The following SLC38A4 variants were observed in gnomAD, a reference collection of about 807,000 sequenced individuals.
SLC38A4 encodes sodium-coupled neutral amino acid transporter 4.
In SLC38A4, 20 loss-of-function variants were observed where a neutral mutation model predicts 63.1. The ratio of observed to expected loss-of-function variants is 0.32; its 90% CI spans 0.22 to 0.46. The LOEUF (loss-of-function observed/expected upper bound fraction) is 0.46. Among genes scored for constraint, SLC38A4 ranks in the 20% least tolerant of loss-of-function variants. SLC38A4 has a pLI of 1.00. For missense variants in SLC38A4, 526 were observed against 663.6 expected, an observed-to-expected ratio of 0.79 and a Z score of 2.28; for synonymous variants, 230 against 225.5, an observed-to-expected ratio of 1.02 and a Z score of -0.18.
chr12:46,813,005 T>C (rs1205530488), intron 1 of SLC38A4, among the ~76,000 whole-genome samples: 1 of 152,010 alleles, frequency 6.6e-6, no homozygotes, highest in African/African-American at 2.4e-5. Flanking sequence ...ATTAGTCAAT[T>C]AACCAATTAT....
At chr12:46,829,835 G>T (rs900362038), upstream of SLC38A4, among the ~76,000 whole-genome samples, 1 of 152,156 alleles carries the variant, frequency 6.6e-6, no homozygotes, top group Non-Finnish European at 1.5e-5. Context: ...AACAATTAAT[G>T]CCCAAGTAGA....
chr12:46,797,322 A>G (rs942346613), intron 2 of SLC38A4, among the ~76,000 whole-genome samples: 4 of 152,160 alleles, frequency 2.6e-5, no homozygotes, highest in African/African-American at 9.6e-5. Flanking sequence ...ACTGAAGGTG[A>G]GCATCCTCCA....
At chr12:46,828,987 T>C (rs111595554), upstream of SLC38A4, among the ~76,000 whole-genome samples, 81 of 152,330 alleles carry the variant, frequency 5.3e-4, no homozygotes, top group African/African-American at 1.9e-3. Context: ...CTCCTCCCTC[T>C]GGTTGTCTTT....
At chr12:46,785,232 T>C in intron 5 of SLC38A4, 55 bp from the exon 6 acceptor site, 7 of 1,318,618 alleles carry the variant, frequency 5.3e-6, no homozygotes, top group Non-Finnish European at 7.6e-6. Context: ...TAAAATGTAA[T>C]TATGTTAGAT....
At chr12:46,829,128 G>A (rs1263913969), upstream of SLC38A4, among the ~76,000 whole-genome samples, 4 of 152,122 alleles carry the variant, frequency 2.6e-5, no homozygotes, top group Admixed American at 2.6e-4. Flanking sequence ...TTTCCTGTCT[G>A]TAAAACAGAG....
chr12:46,800,929 C>T (rs1231001386), intron 2 of SLC38A4, among the ~76,000 whole-genome samples: 2 of 152,076 alleles, frequency 1.3e-5, no homozygotes, highest in Non-Finnish European at 1.5e-5. Flanking sequence ...GAGAAAAAAT[C>T]GCTTTGTTGC....
intron 14 of SLC38A4, among the ~76,000 whole-genome samples, chr12:46,771,528 G>A (rs1312020666): frequency 1.3e-5 from 2 of 152,046 alleles, no homozygotes; most frequent in African/African-American, 4.8e-5. Context: ...TGAGATCACA[G>A]AAAGTTTATG....
At chr12:46,780,080 C>T in intron 7 of SLC38A4, 50 bp from the exon 8 acceptor site, 1 of 1,373,440 alleles carries the variant, frequency 7.3e-7, no homozygotes, top group Non-Finnish European at 1.0e-6. Flanking sequence ...ACTGAAGTCA[C>T]ATGCAAGCAA....
intron 1 of SLC38A4, among the ~76,000 whole-genome samples, chr12:46,809,353 C>CAG (rs924045230): frequency 6.6e-6 from 1 of 152,040 alleles, no homozygotes; most frequent in Non-Finnish European, 1.5e-5. Flanking sequence ...GGAATCTGAG[C>CAG]AGAGAGAGAG....
chr12:46,807,900 C>T (rs76560240), intron 1 of SLC38A4, among the ~76,000 whole-genome samples: 1 of 133,612 alleles, frequency 7.5e-6, no homozygotes, highest in Non-Finnish European at 1.6e-5. Context: ...CCCCCCCCCC[C>T]AAAGCCACAT....
In SLC38A4 at chr12:46,779,960, T is replaced by C. The variant is rs756041783; in HGVS notation, c.564A>G (p.Glu188=). Residue 188 remains glutamate (E), a synonymous_variant, in exon 8 of 17, where the codon GAA becomes GAG. Transcript: ENST00000266579. ...AGCATAAGACATACCCAGTATTTTC[T>C]TCAAGTCCCATGAATGCTCTGATTA... ...PEVIRAFMGL[E]ENTGEWYLNG... 6.2e-7 allele frequency: 1 copy of C among 1,612,342 alleles called. No homozygotes were observed. The highest frequency in any genetic ancestry group is 2.2e-5 in the East Asian group (1 of 44,772).
rs748085107 is a variant in SLC38A4 at position 46,766,246 on chromosome 12, T to C, written c.*455A>G. On this transcript the variant is annotated 3_prime_UTR_variant, in exon 17 of 17. Transcript: ENST00000266579. ...CTGTTAGTAAACAGACCAGAGACTTTGGTGCAAGACTGAGAGAAGACATTA... is the reference window on the plus strand; with the variant it reads ...CTGTTAGTAAACAGACCAGAGACTTCGGTGCAAGACTGAGAGAAGACATTA... 5 of 387,446 alleles carry C rather than the reference T, an allele frequency of 1.3e-5. No individual in the cohort carries two copies. The highest frequency in any genetic ancestry group is 2.1e-5 in the African/African-American group (1 of 47,896). The allele number at this position is 387,446 out of a possible 1,614,324, so 24.0% of individuals were successfully genotyped here. A position where few individuals can be genotyped will look rare whatever the true frequency, so the allele number is the denominator to read the frequency against.
intron 12 of SLC38A4, 59 bp from the exon 13 acceptor site, chr12:46,777,063 T>A: frequency 7.3e-7 from 1 of 1,370,160 alleles, no homozygotes; most frequent in Non-Finnish European, 1.0e-6. Context: ...AAATCACTTT[T>A]CAAAATGAAA....
Position 46,779,983 on chromosome 12 carries a change from T to C in SLC38A4, c.541A>G (p.Ile181Val). The C allele has an allele frequency of 6.2e-7, 1 of 1,612,464 alleles. No individual in the cohort carries two copies. The highest frequency in any genetic ancestry group is 8.5e-7 in the Non-Finnish European group (1 of 1,178,966). Residue 181 changes from isoleucine (I) to valine (V), a missense_variant, in exon 8 of 17, where the codon ATC (isoleucine) becomes GTC (valine). Coordinates refer to ENST00000266579, the MANE Select transcript of SLC38A4 (RefSeq NM_018018.5). Reference sequence around the variant, plus strand: ...TCTTCAAGTCCCATGAATGCTCTGATTACTTCAGGTAGTTCATATTTAATG... The same window carrying C: ...TCTTCAAGTCCCATGAATGCTCTGACTACTTCAGGTAGTTCATATTTAATG... ...FIIKYELPEV[I>V]RAFMGLEENT...
chr12:46,779,539 G>A (rs1477539663), intron 10 of SLC38A4, 72 bp downstream of exon 10: 2 of 1,169,814 alleles, frequency 1.7e-6, no homozygotes, highest in Non-Finnish European at 2.5e-6. Context: ...TGAACAAAAT[G>A]AGGACACTAA....
At chr12:46,798,180 A>G (rs774387981) in intron 2 of SLC38A4, among the ~76,000 whole-genome samples, 1 of 152,136 alleles carries the variant, frequency 6.6e-6, no homozygotes, top group Non-Finnish European at 1.5e-5. Flanking sequence ...CATAACAGCA[A>G]CAACACAGAT....
At chr12:46,771,446 A>G (rs1404815555) in intron 14 of SLC38A4, among the ~76,000 whole-genome samples, 2 of 152,122 alleles carry the variant, frequency 1.3e-5, no homozygotes, top group Non-Finnish European at 2.9e-5. Context: ...AGGCAGTCCT[A>G]TATGTCCAGG....
At chr12:46,806,131 A>G (rs1044035874) in intron 1 of SLC38A4, among the ~76,000 whole-genome samples, 2 of 151,774 alleles carry the variant, frequency 1.3e-5, no homozygotes, top group Non-Finnish European at 2.9e-5. Flanking sequence ...TAGATGAAAA[A>G]TACCCTTGTA....
At position 46,766,754 on chromosome 12, in the gene SLC38A4, C is replaced by T. The variant is rs1307173951; in HGVS notation, c.1591G>A (p.Ala531Thr). Residue 531 changes from alanine (A) to threonine (T), a missense_variant, in exon 17 of 17, where the codon GCA becomes ACA. Physicochemically the swap from Ala to Thr is moderately conservative, Grantham distance 58 (BLOSUM62 0). Coordinates refer to ENST00000266579, the MANE Select transcript of SLC38A4 (RefSeq NM_018018.5). The part of the protein sequence containing the change: ...VGIFFMIGSM[A>T]LIIIDWIYDP... ...TAAATCCAGTCAATTATAATGAGTG[C>T]CATGCTTCCAATCATGAAGAATATT... 1.2e-6 allele frequency: 2 copies of T among 1,611,970 alleles called. No individual in the cohort carries two copies. Among genetic ancestry groups the T allele is most frequent in the Non-Finnish European group, 1.7e-6 (2 of 1,178,916 alleles).
Sources: gnomAD v4.1 joint callset for allele counts (sites outside exome capture counted in the v4.1 genomes callset) on GRCh38, gnomAD v4.1.1 for gene constraint, MANE v1.5 for transcripts, NCBI Gene and HGNC (gene_info 2026-07-23, HGNC 2026-07-21) for gene names.